The following HDAC9 variants were observed in gnomAD, a reference collection of about 807,000 sequenced individuals.
HDAC9 encodes MEF-2 interacting transcription repressor (MITR) protein.
HDAC9 carries 41 observed loss-of-function variants against 139.4 expected under a neutral mutation model. That is an observed-to-expected ratio of 0.29 (90% CI 0.23 to 0.38). The LOEUF (loss-of-function observed/expected upper bound fraction) is 0.38. Among genes scored for constraint, HDAC9 ranks in the 10% least tolerant of loss-of-function variants. The pLI is 1.00. For missense variants in HDAC9, 1,147 were observed against 1,297.0 expected (o/e 0.88, Z 1.78); for synonymous variants, 517 against 476.2 (o/e 1.09, Z -1.12).
At chr7:18,532,773 T>C (rs1056920560) in intron 2 of HDAC9, among the ~76,000 whole-genome samples, 1 of 151,944 alleles carries the variant, frequency 6.6e-6, no homozygotes. Context: ...CCAATCCTCC[T>C]TTTCACTCCA....
Position 18,601,561 on chromosome 7 carries a change from A to G in HDAC9, c.664+7532A>G, listed in dbSNP as rs183422418. 6.6e-5 allele frequency among the ~76,000 whole-genome samples: 10 copies of G among 152,254 alleles called. 1 individual carries two copies. The highest frequency in any genetic ancestry group is 2.2e-4 in the African/African-American group (9 of 41,544). On this transcript the variant is annotated intron_variant, in intron 6 of 25. Transcript: ENST00000686413. ...AGGGGACATCCTCACCTTGTTCCCA[A>G]TGTCAGGGGAAAGCATTTTGTTTCT...
intron 1 of HDAC9, among the ~76,000 whole-genome samples, chr7:18,130,517 A>G (rs1415703853): frequency 1.3e-5 from 2 of 152,120 alleles, no homozygotes; most frequent in Non-Finnish European, 2.9e-5. Context: ...TTATTGAGAT[A>G]TAATTTACAT....
At chr7:18,387,023 T>G (rs919470996) in intron 1 of HDAC9, among the ~76,000 whole-genome samples, 1 of 152,216 alleles carries the variant, frequency 6.6e-6, no homozygotes, top group African/African-American at 2.4e-5. Flanking sequence ...TCATGAAGAT[T>G]GCCAGTCTCA....
Position 19,001,902 on chromosome 7 carries a change from A to AGG in HDAC9, c.*5840_*5841insGG, listed in dbSNP as rs1786769539. On this transcript the variant is annotated 3_prime_UTR_variant, in exon 26 of 26. Coordinates refer to ENST00000686413, the MANE Select transcript of HDAC9 (RefSeq NM_178425.4). ...CCAATATTTAGTACTTTTGTGATTAAACATTCTAGACCAGGCTTGTTGATA... is the reference window on the plus strand; with the variant it reads ...CCAATATTTAGTACTTTTGTGATTAAGGACATTCTAGACCAGGCTTGTTGATA... 2 of 152,132 alleles carry AGG rather than the reference A, an allele frequency of 1.3e-5. No individual in the cohort carries two copies. Among genetic ancestry groups the AGG allele is most frequent in the African/African-American group, 4.8e-5 (2 of 41,456 alleles). The allele number at this position is 152,132 out of a possible 1,614,324, so 9.4% of individuals were successfully genotyped here. A position where few individuals can be genotyped will look rare whatever the true frequency, so the allele number is the denominator to read the frequency against.
intron 17 of HDAC9, among the ~76,000 whole-genome samples, chr7:18,824,491 GA>G (rs1217995952): frequency 6.6e-6 from 1 of 152,184 alleles, no homozygotes; most frequent in East Asian, 1.9e-4. Context: ...GAATGGATTG[GA>G]AGTCCCAGTG....
Position 18,670,015 on chromosome 7 carries a change from C to G in HDAC9, c.1731+3539C>G, listed in dbSNP as rs1286546236. Reference sequence around the variant, plus strand: ...TCAGACACTAAACCTTTTGTTGAAACCTAGTACTTAACAGATAGATATATA... The same window carrying G: ...TCAGACACTAAACCTTTTGTTGAAAGCTAGTACTTAACAGATAGATATATA... On this transcript the variant is annotated intron_variant, in intron 12 of 25. Transcript: ENST00000686413. 2.2e-5 allele frequency among the ~76,000 whole-genome samples: 3 copies of G among 135,822 alleles called. No homozygotes were observed. In the East Asian group the frequency reaches 6.0e-4, roughly 27 times the overall value. The allele number at this position is 135,822 out of a possible 152,430, so 89.1% of individuals were successfully genotyped here.
intron 17 of HDAC9, among the ~76,000 whole-genome samples, chr7:18,815,573 A>G (rs969790741): frequency 1.1e-4 from 16 of 152,252 alleles, no homozygotes; most frequent in Admixed American, 8.5e-4. Context: ...GAATGCATTT[A>G]GTCCTGTCTG....
intron 24 of HDAC9, among the ~76,000 whole-genome samples, chr7:18,966,503 C>A (rs1328061643): frequency 2.6e-5 from 4 of 152,040 alleles, no homozygotes; most frequent in African/African-American, 4.8e-5. Context: ...GAGTTCAAGA[C>A]CAGCCTGCCA....
intron 14 of HDAC9, among the ~76,000 whole-genome samples, chr7:18,751,697 A>G (rs1288858601): frequency 6.6e-6 from 1 of 152,142 alleles, no homozygotes; most frequent in African/African-American, 2.4e-5. Flanking sequence ...TGTGAATGAT[A>G]TTAGAAAAAT....
At chr7:18,111,360 G>A (rs1783609144) in intron 1 of HDAC9, among the ~76,000 whole-genome samples, 1 of 152,176 alleles carries the variant, frequency 6.6e-6, no homozygotes, top group South Asian at 2.1e-4. Context: ...TTGCAAAACA[G>A]GCAGAAAAGG....
At chr7:18,860,066 A>G (rs1032502641) in intron 21 of HDAC9, among the ~76,000 whole-genome samples, 2 of 151,678 alleles carry the variant, frequency 1.3e-5, no homozygotes, top group African/African-American at 4.8e-5. Flanking sequence ...ACTAAGCTAC[A>G]CACTGCACCC....
At chr7:18,907,766 A>G (rs546222783) in intron 22 of HDAC9, among the ~76,000 whole-genome samples, 1 of 149,774 alleles carries the variant, frequency 6.7e-6, no homozygotes, top group Admixed American at 6.7e-5. Flanking sequence ...AGTTTACTTT[A>G]CTTTTGTTAG....
chr7:18,545,049 T>G (rs1383757486), intron 2 of HDAC9, among the ~76,000 whole-genome samples: 1 of 152,082 alleles, frequency 6.6e-6, no homozygotes, highest in Non-Finnish European at 1.5e-5. Context: ...ACAGAGCAGC[T>G]CCCCCACAAC....
At chr7:18,914,781 A>G (rs1430909052) in intron 22 of HDAC9, among the ~76,000 whole-genome samples, 1 of 137,562 alleles carries the variant, frequency 7.3e-6, no homozygotes, top group Non-Finnish European at 1.7e-5. Context: ...ACGCTGGGAG[A>G]GAAACATATT....
chr7:18,341,446 G>A (rs1782003532), intron 1 of HDAC9, among the ~76,000 whole-genome samples: 1 of 151,400 alleles, frequency 6.6e-6, no homozygotes, highest in Non-Finnish European at 1.5e-5. Flanking sequence ...TTTTTTCTGA[G>A]TGTTTCATAT....
intron 12 of HDAC9, among the ~76,000 whole-genome samples, chr7:18,716,004 A>G (rs4605958): frequency 0.037 from 5,677 of 152,294 alleles, 300 homozygotes; most frequent in African/African-American, 0.12. Context: ...GAAATGATTT[A>G]TGTTACTTGT....
At chr7:18,375,329 G>T (rs1784907468) in intron 1 of HDAC9, among the ~76,000 whole-genome samples, 1 of 152,056 alleles carries the variant, frequency 6.6e-6, no homozygotes, top group Non-Finnish European at 1.5e-5. Flanking sequence ...AATTAGCTGG[G>T]CATGGTGGCA....
chr7:18,778,717 T>C (rs1446909531), intron 16 of HDAC9, among the ~76,000 whole-genome samples: 1 of 152,044 alleles, frequency 6.6e-6, no homozygotes, highest in African/African-American at 2.4e-5. Context: ...TTGGTAAATC[T>C]ATGAGTCCCC....
rs752414896 is a variant in HDAC9 at position 18,874,471 on chromosome 7, T to C, written c.2685-7T>C. On this transcript the variant is annotated splice_polypyrimidine_tract_variant and splice_region_variant and intron_variant, in intron 21 of 25. Coordinates refer to ENST00000686413, the MANE Select transcript of HDAC9 (RefSeq NM_178425.4). ...CACGTGTGACCGGTTGCATTTTTAC[T>C]GTGCAGGACCATCGTGAAGCCTGTG... 5 of 1,564,160 alleles carry C rather than the reference T, an allele frequency of 3.2e-6. No homozygotes were observed. Among genetic ancestry groups the C allele is most frequent in the African/African-American group, 1.4e-5 (1 of 73,944 alleles).
Sources: allele counts gnomAD v4.1 joint callset (sites outside exome capture counted in the v4.1 genomes callset), GRCh38; gene constraint gnomAD v4.1.1; transcripts MANE v1.5; gene names NCBI Gene and HGNC (gene_info 2026-07-23, HGNC 2026-07-21).